The following KRT6A variants were observed in gnomAD, a reference collection of about 807,000 sequenced individuals.
KRT6A encodes the protein keratin, type II cytoskeletal 6A.
KRT6A carries 28 observed loss-of-function variants against 48.6 expected under a neutral mutation model. That is an observed-to-expected ratio of 0.58 (90% CI 0.43 to 0.79). KRT6A has a LOEUF of 0.79. KRT6A is among the 30% of genes least tolerant of loss of function. The pLI is 0.00. For missense variants in KRT6A, 687 were observed against 724.3 expected (o/e 0.95, Z 0.59); for synonymous variants, 301 against 294.2 (o/e 1.02, Z -0.24).
rs917841383 is a variant in KRT6A at position 52,490,712 on chromosome 12, G to C, written c.934C>G (p.His312Asp). The change falls in exon 5 of 9, where the codon CAC (histidine) becomes GAC (aspartate). Residue 312 changes from histidine to aspartate, a missense_variant. Around this residue, in one of 3 missense-constraint regions of KRT6A, gnomAD observed 566 missense variants for 565.3 expected, o/e 1.00. Coordinates refer to ENST00000330722, the MANE Select transcript of KRT6A (RefSeq NM_005554.4). ...AGCACCACAGATGTGTCTGAGATGT[G>C]GGTCTGCATCTGGGACAGCTCCTGC... ...YDAELSQMQT[H>D]ISDTSVVLSM... 2 of 1,614,106 alleles carry C rather than the reference G, an allele frequency of 1.2e-6. No homozygotes were observed. The highest frequency in any genetic ancestry group is 1.7e-6 in the Non-Finnish European group (2 of 1,180,052).
Position 52,488,516 on chromosome 12 carries a change from A to G in KRT6A, c.1236T>C (p.Ala412=), listed in dbSNP as rs546570448. The change falls in exon 7 of 9, where the codon GCT becomes GCC. Residue 412 remains alanine, a synonymous_variant. Coordinates refer to ENST00000330722, the MANE Select transcript of KRT6A (RefSeq NM_005554.4). The part of the protein sequence containing the change: ...CANLQAAIAD[A]EQRGEMALKD... The stretch of plus-strand genomic sequence containing the variant: ...TGAGGGCCATCTCCCCACGCTGCTC[A>G]GCATCAGCAATGGCGGCCTGCAGGT... The G allele has an allele frequency of 6.2e-7, 1 of 1,614,170 alleles. No homozygotes were observed. The highest frequency in any genetic ancestry group is 1.1e-5 in the South Asian group (1 of 91,076).
intron 6 of KRT6A, among the ~76,000 whole-genome samples, chr12:52,489,451 A>T (rs4761910): frequency 0.31 from 46,897 of 151,434 alleles, 7,957 homozygotes; most frequent in African/African-American, 0.45. Context: ...GCTAATTTTT[A>T]TGTATTTTTA....
chr12:52,488,669 C>A, intron 6 of KRT6A, 121 bp from the exon 7 acceptor site: 2 of 1,240,720 alleles, frequency 1.6e-6, no homozygotes, highest in Non-Finnish European at 2.3e-6. Flanking sequence ...TGAGCTCTGA[C>A]TCTTCCTATC....
chr12:52,491,211 G>C, intron 2 of KRT6A, 39 bp from the exon 3 acceptor site: 1 of 1,613,124 alleles, frequency 6.2e-7, no homozygotes, highest in Non-Finnish European at 8.5e-7. Flanking sequence ...TGAGCCAGTG[G>C]GTAGGATGAA....
intron 2 of KRT6A, 80 bp from the exon 3 acceptor site, chr12:52,491,252 C>T: frequency 6.2e-7 from 1 of 1,609,322 alleles, no homozygotes; most frequent in Non-Finnish European, 8.5e-7. Context: ...TCAACATTTT[C>T]CCGAATGGAA....
At position 52,491,118 on chromosome 12, in the gene KRT6A, C is replaced by T. The variant is rs749589808; in HGVS notation, c.810G>A (p.Leu270=). The change falls in exon 3 of 9, where the codon CTG becomes CTA. Residue 270 remains leucine, a synonymous_variant. Coordinates refer to ENST00000330722, the MANE Select transcript of KRT6A (RefSeq NM_005554.4). ...CCCGGCTTCATCTGCTCACCTTCTT[C>T]AGAGTCACAAATTCATTCTCTGCTG... The part of the protein sequence containing the change: ...RTAAENEFVT[L]KKDVDAAYMN... 1.2e-6 allele frequency: 2 copies of T among 1,613,960 alleles called. No homozygotes were observed. Among genetic ancestry groups the T allele is most frequent in the Non-Finnish European group, 1.7e-6 (2 of 1,179,870 alleles).
At position 52,488,382 on chromosome 12, in the gene KRT6A, G is replaced by A. The variant is rs1200696679; in HGVS notation, c.1370C>T (p.Ala457Val). ...EYQELMNVKL[A>V]LDVEIATYRK... is the part of the protein sequence containing the mutation. ...GTAGGTGGCGATCTCCACGTCCAGG[G>A]CCAGCTTGACATTCATCAGCTCCTG... is the stretch of plus-strand genomic sequence containing the variant. The change falls in exon 7 of 9, where the codon GCC becomes GTC. Residue 457 changes from alanine (A) to valine (V), a missense_variant. By Grantham distance (64) the Ala-to-Val change is moderately conservative. Around this residue, in one of 3 missense-constraint regions of KRT6A, gnomAD observed 566 missense variants for 565.3 expected, o/e 1.00. Transcript: ENST00000330722. The A allele has an allele frequency of 2.5e-6, 4 of 1,614,122 alleles. No individual in the cohort carries two copies. In the South Asian group the frequency reaches 4.4e-5, roughly 18 times the overall value.
Position 52,488,310 on chromosome 12 carries a change from T to A in KRT6A, c.1424+18A>T. On this transcript the variant is annotated intron_variant, in intron 7 of 8. Transcript: ENST00000330722. ...AAGATGGACTCAGCTGTTGAAGGAGTTCGTGTCAGTTACCCACCTGCACTC... is the reference window on the plus strand; with the variant it reads ...AAGATGGACTCAGCTGTTGAAGGAGATCGTGTCAGTTACCCACCTGCACTC... The A allele has an allele frequency of 6.2e-7, 1 of 1,613,664 alleles. No homozygotes were observed. Among genetic ancestry groups the A allele is most frequent in the Non-Finnish European group, 8.5e-7 (1 of 1,179,922 alleles).
At chr12:52,489,345 A>G (rs1938210834) in intron 6 of KRT6A, among the ~76,000 whole-genome samples, 1 of 152,032 alleles carries the variant, frequency 6.6e-6, no homozygotes, top group African/African-American at 2.4e-5. Flanking sequence ...GTGGCGCGGT[A>G]TCGACTCACT....
rs560014394 is a variant in KRT6A, at chr12:52,490,963, G to A, written c.817-10C>T. On this transcript the variant is annotated splice_polypyrimidine_tract_variant and intron_variant, in intron 3 of 8. Transcript: ENST00000330722. ...AGGCAGCATCCACATCCTGGGGAAAGAGCCAACAACCTGGAGTTACCTGAG... is the reference window on the plus strand; with the variant it reads ...AGGCAGCATCCACATCCTGGGGAAAAAGCCAACAACCTGGAGTTACCTGAG... The A allele has an allele frequency of 5.6e-5, 90 of 1,613,880 alleles. No homozygotes were observed. The South Asian group carries it at 9.4e-4, about 17-fold the overall frequency.
At chr12:52,490,426 A>G (rs1377885336) in intron 5 of KRT6A, 143 bp downstream of exon 5, 35 of 1,410,984 alleles carry the variant, frequency 2.5e-5, no homozygotes, top group Non-Finnish European at 3.2e-5. Flanking sequence ...AGTTCTGCAA[A>G]TGTCTACTCT....
intron 5 of KRT6A, chr12:52,490,351 T>C: frequency 5.3e-6 from 5 of 935,884 alleles, no homozygotes. Flanking sequence ...CAGAGATGAC[T>C]ATGTCCTTGT....
In KRT6A at chr12:52,487,565, G is replaced by C. The variant is rs562728568; in HGVS notation, c.*155C>G. 5.9e-6 allele frequency: 5 copies of C among 842,672 alleles called. No homozygotes were observed. In the Admixed American group the frequency reaches 1.2e-4, roughly 20 times the overall value. 52.2% of individuals were successfully genotyped at this position (842,672 alleles called of 1,614,324 possible). The stretch of plus-strand genomic sequence containing the variant: ...TGGGTGCTCAGATGGTATAGAGAGA[G>C]AGAGAAGAAGTGAGGGCACTAAGCA... On this transcript the variant is annotated 3_prime_UTR_variant, in exon 9 of 9. Coordinates refer to ENST00000330722, the MANE Select transcript of KRT6A (RefSeq NM_005554.4).
Position 52,490,891 on chromosome 12 carries a change from G to T in KRT6A, c.879C>A (p.Asp293Glu), listed in dbSNP as rs398542. 1.2e-6 allele frequency: 2 copies of T among 1,613,880 alleles called. No homozygotes were observed. The highest frequency in any genetic ancestry group is 2.2e-5 in the East Asian group (1 of 44,862). ...ACAAGGCTCTCAGGAAGTTGATCTC[G>T]TCTGTGAGAGTGTCTGCCTTGGCTT... ...ELQAKADTLT[D>E]EINFLRALYD... Residue 293 changes from aspartate to glutamate, a missense_variant, in exon 4 of 9, where the codon GAC becomes GAA. Physicochemically the swap from Asp to Glu is conservative, Grantham distance 45. Around this residue, in one of 3 missense-constraint regions of KRT6A, gnomAD observed 566 missense variants for 565.3 expected, o/e 1.00. Coordinates refer to ENST00000330722, the MANE Select transcript of KRT6A (RefSeq NM_005554.4).
At position 52,490,957 on chromosome 12, in the gene KRT6A, G is replaced by T. The variant is rs770117963; in HGVS notation, c.817-4C>A. The T allele has an allele frequency of 6.2e-7, 1 of 1,613,736 alleles. No homozygotes were observed. Among genetic ancestry groups the T allele is most frequent in the African/African-American group, 1.3e-5 (1 of 74,868 alleles). ...TCATGTAGGCAGCATCCACATCCTG[G>T]GGAAAGAGCCAACAACCTGGAGTTA... On this transcript the variant is annotated splice_polypyrimidine_tract_variant and splice_region_variant and intron_variant, in intron 3 of 8. Coordinates refer to ENST00000330722, the MANE Select transcript of KRT6A (RefSeq NM_005554.4).
At position 52,489,860 on chromosome 12, in the gene KRT6A, G is replaced by A. The variant is rs745590261; in HGVS notation, c.1203+83C>T. ...CTCCCTGGTTTTGATAAGTTCCAGGGGATTTTCCCTAATATAATGGTTGAT... is the reference window on the plus strand; with the variant it reads ...CTCCCTGGTTTTGATAAGTTCCAGGAGATTTTCCCTAATATAATGGTTGAT... On this transcript the variant is annotated intron_variant, in intron 6 of 8. Coordinates refer to ENST00000330722, the MANE Select transcript of KRT6A (RefSeq NM_005554.4). 5 of 1,608,632 alleles carry A rather than the reference G, an allele frequency of 3.1e-6. No individual in the cohort carries two copies. In the Admixed American group the frequency reaches 6.8e-5, roughly 22 times the overall value.
In KRT6A at chr12:52,488,027, A is replaced by G. The variant is rs553793478; in HGVS notation, c.1459+42T>C. On this transcript the variant is annotated intron_variant, in intron 8 of 8. Coordinates refer to ENST00000330722, the MANE Select transcript of KRT6A (RefSeq NM_005554.4). Reference sequence around the variant, plus strand: ...TCCTGTCAGCCTGAGCCCAGTCAGAAGAGTGCGAGGGCAGGGGAGGAAGGC... The same window carrying G: ...TCCTGTCAGCCTGAGCCCAGTCAGAGGAGTGCGAGGGCAGGGGAGGAAGGC... The G allele has an allele frequency of 6.2e-6, 10 of 1,614,156 alleles. No homozygotes were observed. The South Asian group carries it at 8.8e-5, about 14-fold the overall frequency.
rs547736440 is a variant in KRT6A, at chr12:52,487,641, G to A, written c.*79C>T. ...GCAGGGGAGACTGGAGGCCAGGAGA[G>A]GAAAGGCAACCTGAGGAGAGGGCTC... is the stretch of plus-strand genomic sequence containing the variant. On this transcript the variant is annotated 3_prime_UTR_variant, in exon 9 of 9. Coordinates refer to ENST00000330722, the MANE Select transcript of KRT6A (RefSeq NM_005554.4). 26 of 1,593,062 alleles carry A rather than the reference G, an allele frequency of 1.6e-5. No homozygotes were observed. In the East Asian group the frequency reaches 5.4e-4, roughly 33 times the overall value.
intron 2 of KRT6A, among the ~76,000 whole-genome samples, 158 bp from the exon 3 acceptor site, chr12:52,491,330 C>T (rs1018487913): frequency 3.3e-5 from 5 of 152,086 alleles, no homozygotes; most frequent in African/African-American, 1.2e-4. Context: ...CTAAATTTGC[C>T]ACTTCTTTAA....
Sources: allele counts gnomAD v4.1 joint callset (sites outside exome capture counted in the v4.1 genomes callset), GRCh38; gene constraint gnomAD v4.1.1; regional missense constraint gnomAD v4.1.1; transcripts MANE v1.5; gene names NCBI Gene and HGNC (gene_info 2026-07-23, HGNC 2026-07-21).